NRXN3: variants seen among roughly 807,000 people sequenced by gnomAD.
NRXN3 encodes neurexin 3.
In NRXN3, 32 loss-of-function variants were observed where a neutral mutation model predicts 137.6. The ratio of observed to expected loss-of-function variants is 0.23; its 90% CI spans 0.18 to 0.31. The LOEUF (loss-of-function observed/expected upper bound fraction) is 0.31. Ranked by LOEUF, NRXN3 falls within the 10% of genes least tolerant of loss-of-function variation. The pLI, the probability that NRXN3 is intolerant of heterozygous loss-of-function variation, is 1.00. For synonymous variants in NRXN3, 798 were observed against 784.5 expected (o/e 1.02, Z -0.29); for missense variants, 1,574 against 2,062.5 (o/e 0.76, Z 4.59).
rs1337652070 is a variant in NRXN3, at chr14:78,419,950, C to T, written c.757+122090C>T. ...ATATCTGTGTGCACGTGTGTGCGCGCGCGCGCGCACGCACACACACACACA... is the reference window on the plus strand; with the variant it reads ...ATATCTGTGTGCACGTGTGTGCGCGTGCGCGCGCACGCACACACACACACA... On this transcript the variant is annotated intron_variant, in intron 4 of 20. Transcript: ENST00000335750. Among the ~76,000 whole-genome samples the T allele has an allele frequency of 7.4e-4, 18 of 24,350 alleles. No individual in the cohort carries two copies. In the South Asian group the frequency reaches 9.3e-3, roughly 13 times the overall value. 16.0% of individuals were successfully genotyped at this position (24,350 alleles called of 152,430 possible).
At chr14:79,153,654 C>T (rs932708118) in intron 15 of NRXN3, among the ~76,000 whole-genome samples, 2 of 151,942 alleles carry the variant, frequency 1.3e-5, no homozygotes, top group Admixed American at 6.6e-5. Context: ...CTCAGGAGAA[C>T]ATACAGCTAA....
intron 16 of NRXN3, among the ~76,000 whole-genome samples, chr14:79,642,200 A>G (rs2098436605): frequency 7.4e-6 from 1 of 135,442 alleles, no homozygotes; most frequent in Non-Finnish European, 1.7e-5. Context: ...CTTGTCTCCA[A>G]TAGCAACACT....
Position 79,833,957 on chromosome 14 carries a change from G to T in NRXN3, c.4094-27385G>T, listed in dbSNP as rs2099330030. Among the ~76,000 whole-genome samples the T allele has an allele frequency of 2.0e-5, 3 of 152,098 alleles. No homozygotes were observed. The South Asian group carries it at 6.2e-4, about 31-fold the overall frequency. On this transcript the variant is annotated intron_variant, in intron 20 of 20. Coordinates refer to ENST00000335750, the MANE Select transcript of NRXN3 (RefSeq NM_001330195.2). ...ATATATCTGCAAGTGACAACATCTT[G>T]TATGTAAACAGGCAGAGGAAAAGAG...
At chr14:79,438,077 A>G (rs571026466) in intron 15 of NRXN3, among the ~76,000 whole-genome samples, 1 of 152,258 alleles carries the variant, frequency 6.6e-6, no homozygotes, top group African/African-American at 2.4e-5. Context: ...CTACTACTCT[A>G]TTGCCTCTGG....
At chr14:79,758,994 A>G (rs931735406) in intron 19 of NRXN3, among the ~76,000 whole-genome samples, 1 of 152,214 alleles carries the variant, frequency 6.6e-6, no homozygotes, top group African/African-American at 2.4e-5. Context: ...CTCTTATTCT[A>G]CTAAACATTT....
chr14:78,888,859 A>G (rs1385513804), intron 10 of NRXN3, among the ~76,000 whole-genome samples: 1 of 151,796 alleles, frequency 6.6e-6, no homozygotes, highest in Non-Finnish European at 1.5e-5. Context: ...ACACACACAC[A>G]CACACACACA....
chr14:78,322,257 A>C (rs1270598160), intron 4 of NRXN3, among the ~76,000 whole-genome samples: 1 of 152,006 alleles, frequency 6.6e-6, no homozygotes, highest in African/African-American at 2.4e-5. Context: ...TAATTGGGAA[A>C]GCCACAGATG....
chr14:78,207,768 T>G (rs1462908633), intron 1 of NRXN3, among the ~76,000 whole-genome samples: 1 of 152,236 alleles, frequency 6.6e-6, no homozygotes, highest in Non-Finnish European at 1.5e-5. Context: ...CTTGTTCCTC[T>G]GTGTCTTTCT....
chr14:78,352,424 C>T (rs1054214812), intron 4 of NRXN3, among the ~76,000 whole-genome samples: 8 of 151,930 alleles, frequency 5.3e-5, no homozygotes, highest in African/African-American at 1.9e-4. Flanking sequence ...GAAGCCAACA[C>T]TTTACCCTGC....
chr14:78,199,157 A>G (rs2061467166), intron 1 of NRXN3, among the ~76,000 whole-genome samples: 2 of 152,208 alleles, frequency 1.3e-5, no homozygotes, highest in African/African-American at 2.4e-5. Context: ...GGCCTCTACT[A>G]AGGGAAGCAA....
chr14:79,721,867 C>T (rs2154064512), intron 19 of NRXN3, among the ~76,000 whole-genome samples: 1 of 152,144 alleles, frequency 6.6e-6, no homozygotes, highest in Non-Finnish European at 1.5e-5. Flanking sequence ...TAATAGTTTA[C>T]CCAGTTCTGA....
intron 19 of NRXN3, among the ~76,000 whole-genome samples, chr14:79,715,725 A>G: frequency 6.6e-6 from 1 of 152,252 alleles, no homozygotes; most frequent in Admixed American, 6.5e-5. Context: ...ACACAGTGTG[A>G]TAAAGGAGGA....
chr14:79,157,415 A>C (rs1337790564), intron 15 of NRXN3, among the ~76,000 whole-genome samples: 2 of 151,754 alleles, frequency 1.3e-5, no homozygotes, highest in African/African-American at 4.8e-5. Flanking sequence ...TAAATGGACA[A>C]AGCTGGGATT....
At chr14:78,730,190 T>A (rs2098508322) in intron 8 of NRXN3, among the ~76,000 whole-genome samples, 1 of 152,154 alleles carries the variant, frequency 6.6e-6, no homozygotes, top group Non-Finnish European at 1.5e-5. Flanking sequence ...ATGGAATGAA[T>A]GAATCTGGAA....
At chr14:79,702,299 T>C (rs1226867973) in intron 19 of NRXN3, among the ~76,000 whole-genome samples, 2 of 152,064 alleles carry the variant, frequency 1.3e-5, no homozygotes, top group Admixed American at 1.3e-4. Flanking sequence ...CAAATCCAGA[T>C]TCCTTACCAT....
chr14:78,507,109 A>C (rs906746161), intron 4 of NRXN3, among the ~76,000 whole-genome samples: 2 of 152,164 alleles, frequency 1.3e-5, no homozygotes, highest in Non-Finnish European at 2.9e-5. Flanking sequence ...TCACAGCTAC[A>C]TGTGGGTGAC....
chr14:79,231,836 G>A (rs2072258299), intron 15 of NRXN3, among the ~76,000 whole-genome samples: 1 of 152,018 alleles, frequency 6.6e-6, no homozygotes, highest in Non-Finnish European at 1.5e-5. Context: ...CTCCATTTGG[G>A]GCAATTAAAA....
intron 18 of NRXN3, among the ~76,000 whole-genome samples, chr14:79,692,811 T>C (rs1439186841): frequency 1.3e-5 from 2 of 152,052 alleles, no homozygotes; most frequent in Admixed American, 1.3e-4. Context: ...ATGAAAAAGA[T>C]GAATTTTGCC....
chr14:78,965,630 A>G (rs1309470524), intron 11 of NRXN3, among the ~76,000 whole-genome samples: 2 of 152,224 alleles, frequency 1.3e-5, no homozygotes, highest in African/African-American at 2.4e-5. Flanking sequence ...ACGAGAAAAA[A>G]TACTTGGTAG....
Sources: allele counts gnomAD v4.1 joint callset (sites outside exome capture counted in the v4.1 genomes callset), GRCh38; gene constraint gnomAD v4.1.1; transcripts MANE v1.5; gene names NCBI Gene and HGNC (gene_info 2026-07-23, HGNC 2026-07-21).